The following ZNF519 variants were observed in gnomAD, a reference collection of about 807,000 sequenced individuals.
ZNF519 encodes the protein similar to Zinc finger protein 85 (Zinc finger protein HPF4) (HTF1).
Under a neutral mutation model 7.4 loss-of-function variants are expected in ZNF519, and 7 were observed. The observed-to-expected ratio is 0.94, with a 90% CI of 0.54 to 1.77. The LOEUF (loss-of-function observed/expected upper bound fraction) is 1.77. Among genes scored for constraint, ZNF519 ranks in the 40% most tolerant of loss-of-function variants. The pLI, the probability that ZNF519 is intolerant of heterozygous loss-of-function variation, is 0.00. For missense variants in ZNF519, 586 were observed against 623.1 expected, an observed-to-expected ratio of 0.94 and a Z score of 0.63; for synonymous variants, 179 against 203.3, an observed-to-expected ratio of 0.88 and a Z score of 1.02.
At chr18:14,125,423 T>C (rs915371345) in intron 1 of ZNF519, among the ~76,000 whole-genome samples, 2 of 152,208 alleles carry the variant, frequency 1.3e-5, no homozygotes, top group African/African-American at 2.4e-5. Context: ...CAGGTTTCTG[T>C]AGAGGTGGGT....
At chr18:14,078,844 T>A (rs76860451) in intron 3 of ZNF519, among the ~76,000 whole-genome samples, 9,899 of 152,158 alleles carry the variant, frequency 0.065, 599 homozygotes, top group African/African-American at 0.15. Flanking sequence ...AGTACTAAAA[T>A]AAAAGCTAAT....
intron 2 of ZNF519, among the ~76,000 whole-genome samples, chr18:14,089,057 G>A (rs997866989): frequency 2.0e-5 from 3 of 151,682 alleles, no homozygotes; most frequent in Non-Finnish European, 4.4e-5. Flanking sequence ...TAATTTTTAC[G>A]AACATGAAAG....
intron 1 of ZNF519, among the ~76,000 whole-genome samples, chr18:14,125,557 G>A (rs532283587): frequency 6.6e-6 from 1 of 152,302 alleles, no homozygotes; most frequent in African/African-American, 2.4e-5. Context: ...GACAGATGGA[G>A]AGATACGGAA....
chr18:14,132,410 C>T lies in ZNF519; in HGVS notation c.-133G>A, dbSNP rs1431933034. 4 of 1,126,706 alleles carry T rather than the reference C, an allele frequency of 3.6e-6. No homozygotes were observed. In the Admixed American group the frequency reaches 6.1e-5, roughly 17 times the overall value. 69.8% of individuals were successfully genotyped at this position (1,126,706 alleles called of 1,614,324 possible). A position where few individuals can be genotyped will look rare whatever the true frequency, so the allele number is the denominator to read the frequency against. The stretch of plus-strand genomic sequence containing the variant: ...AGGACACAAGGCAATGAAGCCCTAA[C>T]CCCGCGCTCTGGCTGAAGTGAGACA... On this transcript the variant is annotated 5_prime_UTR_variant, in exon 1 of 3. Coordinates refer to ENST00000590202, the MANE Select transcript of ZNF519 (RefSeq NM_145287.4).
At chr18:14,078,993 C>T (rs1196051942) in intron 3 of ZNF519, among the ~76,000 whole-genome samples, 4 of 152,140 alleles carry the variant, frequency 2.6e-5, no homozygotes, top group African/African-American at 9.7e-5. Context: ...GCAGAAGCAC[C>T]AGTATCCTTG....
At chr18:14,093,545 T>G (rs1005438627) in intron 2 of ZNF519, among the ~76,000 whole-genome samples, 113 of 152,308 alleles carry the variant, frequency 7.4e-4, no homozygotes, top group African/African-American at 2.6e-3. Flanking sequence ...TCTTAATGGC[T>G]ACTATTAAAA....
downstream of ZNF519, among the ~76,000 whole-genome samples, chr18:14,096,964 C>T (rs921954899): frequency 4.6e-5 from 7 of 152,116 alleles, no homozygotes; most frequent in African/African-American, 1.2e-4. Flanking sequence ...GATATCTCAA[C>T]GCTTCATTTC....
At chr18:14,130,845 G>A (rs2143179430) in intron 1 of ZNF519, among the ~76,000 whole-genome samples, 1 of 116,770 alleles carries the variant, frequency 8.6e-6, no homozygotes, top group African/African-American at 3.2e-5. Context: ...CTGGGGTTGG[G>A]GGAAAAAAAA....
intron 2 of ZNF519, among the ~76,000 whole-genome samples, chr18:14,091,217 A>G (rs940686814): frequency 6.6e-6 from 1 of 152,172 alleles, no homozygotes; most frequent in Non-Finnish European, 1.5e-5. Context: ...AAAAATTGTT[A>G]AATTACACGG....
chr18:14,086,891 A>G (rs2046092578), intron 2 of ZNF519, among the ~76,000 whole-genome samples: 1 of 151,452 alleles, frequency 6.6e-6, no homozygotes, highest in Non-Finnish European at 1.5e-5. Context: ...GAGCTCAAAG[A>G]CAGGCTTTTT....
At chr18:14,097,104 T>C (rs1444394846), downstream of ZNF519, among the ~76,000 whole-genome samples, 1 of 152,204 alleles carries the variant, frequency 6.6e-6, no homozygotes, top group Non-Finnish European at 1.5e-5. Flanking sequence ...TGTGTGCTCC[T>C]GGAGTCTCCA....
chr18:14,074,421 C>T (rs749505478), downstream of ZNF519: 8 of 152,482 alleles, frequency 5.2e-5, no homozygotes, highest in Non-Finnish European at 1.2e-4. Context: ...CCATGTGGCC[C>T]GAATGCATAT....
intron 2 of ZNF519, chr18:14,123,145 CA>C: frequency 4.0e-6 from 1 of 252,026 alleles, no homozygotes. Context: ...CATCTATCTT[CA>C]AATTGTAAGG....
At chr18:14,092,773 C>G (rs1211896187) in intron 2 of ZNF519, among the ~76,000 whole-genome samples, 2 of 152,276 alleles carry the variant, frequency 1.3e-5, no homozygotes, top group East Asian at 3.9e-4. Flanking sequence ...TAGCCAGGCT[C>G]CCCTAAGCCC....
intron 2 of ZNF519, among the ~76,000 whole-genome samples, chr18:14,086,873 G>A (rs1227488340): frequency 6.6e-6 from 1 of 152,018 alleles, no homozygotes. Context: ...ACAGAAAAAA[G>A]AATCAATGAG....
intron 1 of ZNF519, among the ~76,000 whole-genome samples, chr18:14,131,954 G>A (rs1215556708): frequency 1.3e-5 from 2 of 152,194 alleles, no homozygotes; most frequent in African/African-American, 4.8e-5. Context: ...AGGTAGGGAC[G>A]GGGGACCCCA....
intron 2 of ZNF519, among the ~76,000 whole-genome samples, chr18:14,119,820 A>G (rs1163898441): frequency 6.6e-6 from 1 of 152,198 alleles, no homozygotes; most frequent in Admixed American, 6.5e-5. Context: ...AAAAGAAACA[A>G]TTTTTATTTA....
downstream of ZNF519, among the ~76,000 whole-genome samples, chr18:14,095,212 G>C (rs553503245): frequency 9.2e-5 from 14 of 152,286 alleles, no homozygotes; most frequent in African/African-American, 3.1e-4. Context: ...ATTTGGTTCT[G>C]CAAGTTTTTG....
intron 2 of ZNF519, among the ~76,000 whole-genome samples, chr18:14,111,179 A>AC (rs1446878928): frequency 1.3e-5 from 2 of 151,294 alleles, no homozygotes; most frequent in Non-Finnish European, 2.9e-5. Flanking sequence ...TAAAAAAAAA[A>AC]AAAAAAAAAC....
Sources: gnomAD v4.1 joint callset for allele counts (sites outside exome capture counted in the v4.1 genomes callset) on GRCh38, gnomAD v4.1.1 for gene constraint, MANE v1.5 for transcripts, NCBI Gene and HGNC (gene_info 2026-07-23, HGNC 2026-07-21) for gene names.